Variants in DOCK2 observed in about 807,000 individuals in gnomAD.
The protein encoded by DOCK2 is dedicator of cytokinesis 2.
Under a neutral mutation model 248.9 loss-of-function variants are expected in DOCK2, and 87 were observed. The ratio of observed to expected loss-of-function variants is 0.35; its 90% CI spans 0.29 to 0.42. DOCK2 has a LOEUF of 0.42. Among genes scored for constraint, DOCK2 ranks in the 10% least tolerant of loss-of-function variants. The pLI, the probability that DOCK2 is intolerant of heterozygous loss-of-function variation, is 1.00. For missense variants in DOCK2, 1,747 were observed against 2,300.2 expected (o/e 0.76, Z 4.92); for synonymous variants, 805 against 821.6 (o/e 0.98, Z 0.35).
chr5:169,810,302 C>T (rs1049275461), intron 26 of DOCK2, among the ~76,000 whole-genome samples: 4 of 152,130 alleles, frequency 2.6e-5, no homozygotes, highest in African/African-American at 9.7e-5. Context: ...AATCACACTC[C>T]TGAGTTCATA....
intron 27 of DOCK2, among the ~76,000 whole-genome samples, chr5:169,906,819 T>C (rs1034689866): frequency 7.9e-5 from 12 of 152,290 alleles, no homozygotes; most frequent in African/African-American, 2.2e-4. Context: ...GGAAAGTCTA[T>C]AGGGAAATTA....
chr5:169,982,231 C>T (rs1777961291), intron 27 of DOCK2, among the ~76,000 whole-genome samples: 1 of 152,076 alleles, frequency 6.6e-6, no homozygotes, highest in African/African-American at 2.4e-5. Flanking sequence ...CTGGTGGATT[C>T]GTGGCTAGTG....
At chr5:169,661,881 G>A (rs534460955) in intron 2 of DOCK2, among the ~76,000 whole-genome samples, 49 of 152,282 alleles carry the variant, frequency 3.2e-4, no homozygotes, top group African/African-American at 1.2e-3. Flanking sequence ...CACTTGGGTT[G>A]TTTCCGTATC....
At chr5:170,029,309 T>G (rs758897833) in intron 34 of DOCK2, among the ~76,000 whole-genome samples, 2 of 152,240 alleles carry the variant, frequency 1.3e-5, no homozygotes, top group African/African-American at 2.4e-5. Context: ...GGTTTTGAAT[T>G]GCATTTCCGC....
chr5:169,782,502 T>G (rs1448978172), intron 25 of DOCK2, among the ~76,000 whole-genome samples: 5 of 124,796 alleles, frequency 4.0e-5, no homozygotes, highest in African/African-American at 1.6e-4. Flanking sequence ...CCTCCTTAGT[T>G]TTTTTTTTTT....
chr5:169,699,236 C>A, intron 11 of DOCK2, 146 bp from the exon 12 acceptor site: 1 of 564,276 alleles, frequency 1.8e-6, no homozygotes, highest in Non-Finnish European at 2.9e-6. Context: ...TGAGGTACCT[C>A]TTGATGGCAT....
intron 46 of DOCK2, among the ~76,000 whole-genome samples, chr5:170,073,946 C>T (rs1230234596): frequency 6.6e-6 from 1 of 152,074 alleles, no homozygotes; most frequent in African/African-American, 2.4e-5. Context: ...TTCGTGTCCA[C>T]TCTCACCTTT....
chr5:169,989,661 T>C (rs1051693076), intron 29 of DOCK2, among the ~76,000 whole-genome samples: 16 of 152,212 alleles, frequency 1.1e-4, no homozygotes, highest in South Asian at 4.1e-4. Flanking sequence ...TTAGGACTTA[T>C]GGCTGCCTGG....
chr5:170,003,939 G>A (rs1223111361), intron 30 of DOCK2, among the ~76,000 whole-genome samples: 1 of 152,206 alleles, frequency 6.6e-6, no homozygotes, highest in African/African-American at 2.4e-5. Context: ...CTGGGCAGGG[G>A]CTATGGGTGA....
At chr5:169,721,747 C>T (rs1762217519) in intron 22 of DOCK2, among the ~76,000 whole-genome samples, 1 of 152,170 alleles carries the variant, frequency 6.6e-6, no homozygotes, top group Non-Finnish European at 1.5e-5. Flanking sequence ...TTTCCTGTGT[C>T]AGTATGCAAC....
At chr5:169,808,440 G>A (rs113497562) in intron 26 of DOCK2, among the ~76,000 whole-genome samples, 5,552 of 152,200 alleles carry the variant, frequency 0.036, 184 homozygotes, top group African/African-American at 0.083. Flanking sequence ...CTCAGGGGGA[G>A]ATGTCTGCCT....
chr5:169,637,689 G>C (rs890866580), intron 1 of DOCK2, among the ~76,000 whole-genome samples: 1 of 152,212 alleles, frequency 6.6e-6, no homozygotes, highest in Non-Finnish European at 1.5e-5. Flanking sequence ...GAGTGCCCCA[G>C]CTCGCCGCGT....
At chr5:170,065,584 C>G (rs1240959733) in intron 44 of DOCK2, among the ~76,000 whole-genome samples, 2 of 152,200 alleles carry the variant, frequency 1.3e-5, no homozygotes, top group African/African-American at 4.8e-5. Flanking sequence ...ACTTACAGTT[C>G]TACATGGCTA....
intron 27 of DOCK2, among the ~76,000 whole-genome samples, chr5:169,871,304 T>C (rs936026931): frequency 6.6e-6 from 1 of 152,212 alleles, no homozygotes; most frequent in Non-Finnish European, 1.5e-5. Context: ...TTCCAGCATT[T>C]TATTCTAAGG....
chr5:169,696,797 G>T (rs1469427401), intron 10 of DOCK2, among the ~76,000 whole-genome samples: 2 of 151,640 alleles, frequency 1.3e-5, no homozygotes, highest in Non-Finnish European at 2.9e-5. Flanking sequence ...AAGCGGTGGA[G>T]TGGAGGATGT....
At chr5:169,738,401 G>C (rs1763150330) in intron 22 of DOCK2, among the ~76,000 whole-genome samples, 2 of 152,160 alleles carry the variant, frequency 1.3e-5, no homozygotes, top group Non-Finnish European at 2.9e-5. Flanking sequence ...TGATGAAGAT[G>C]GAGAGGGGTA....
At chr5:169,976,545 A>G (rs1777723872) in intron 27 of DOCK2, among the ~76,000 whole-genome samples, 1 of 152,210 alleles carries the variant, frequency 6.6e-6, no homozygotes, top group African/African-American at 2.4e-5. Context: ...GTGATTAAAC[A>G]TCTCATCATA....
chr5:169,639,777 G>A (rs1006889240), intron 1 of DOCK2, among the ~76,000 whole-genome samples: 2 of 152,226 alleles, frequency 1.3e-5, no homozygotes, highest in Non-Finnish European at 2.9e-5. Context: ...AATGTAGGCA[G>A]CCATGTACCC....
intron 33 of DOCK2, among the ~76,000 whole-genome samples, chr5:170,021,191 T>C (rs1032964862): frequency 6.6e-6 from 1 of 152,184 alleles, no homozygotes; most frequent in Non-Finnish European, 1.5e-5. Context: ...AGGCCGTATC[T>C]GAGCAGTTGG....
Sources: gnomAD v4.1 joint callset for allele counts (sites outside exome capture counted in the v4.1 genomes callset) on GRCh38, gnomAD v4.1.1 for gene constraint, MANE v1.5 for transcripts, NCBI Gene and HGNC (gene_info 2026-07-23, HGNC 2026-07-21) for gene names.